ARID4B: variants seen among roughly 807,000 people sequenced by gnomAD.
ARID4B encodes the protein AT-rich interaction domain 4B.
A neutral mutation model predicts 147.5 loss-of-function variants in ARID4B; 26 were observed. That is an observed-to-expected ratio of 0.18 (90% CI 0.13 to 0.24). The LOEUF (loss-of-function observed/expected upper bound fraction) is 0.24, where lower values mean the gene tolerates loss of function less well. ARID4B is among the 10% of genes least tolerant of loss of function. ARID4B has a pLI of 1.00. For missense variants in ARID4B, 1,179 were observed against 1,511.5 expected (o/e 0.78, Z 3.65); for synonymous variants, 512 against 507.9 (o/e 1.01, Z -0.11).
In ARID4B at chr1:235,300,395, C is replaced by T. The variant is rs546829512; in HGVS notation, c.6+26519G>A. Among the ~76,000 whole-genome samples, 62 of 147,936 alleles carry T rather than the reference C, an allele frequency of 4.2e-4. No individual in the cohort carries two copies. In the South Asian group the frequency reaches 0.01, roughly 24 times the overall value. On this transcript the variant is annotated intron_variant, in intron 2 of 23. Transcript: ENST00000264183. ...TCATGCCACTGCACTCCAGCCTGGG[C>T]GACAGAATGAGACTCCGTCTCATAA...
intron 19 of ARID4B, among the ~76,000 whole-genome samples, chr1:235,186,209 C>T (rs1230484283): frequency 6.6e-6 from 1 of 152,026 alleles, no homozygotes; most frequent in East Asian, 1.9e-4. Flanking sequence ...CCTCGTGATC[C>T]GCCCACCTCA....
intron 2 of ARID4B, among the ~76,000 whole-genome samples, chr1:235,275,143 A>G (rs939615519): frequency 1.3e-5 from 2 of 152,188 alleles, no homozygotes; most frequent in African/African-American, 4.8e-5. Flanking sequence ...TTTTTACGAC[A>G]AAGAAGCCCA....
intron 5 of ARID4B, among the ~76,000 whole-genome samples, chr1:235,255,251 A>C (rs1669887116): frequency 9.7e-6 from 1 of 102,732 alleles, no homozygotes; most frequent in Admixed American, 1.1e-4. Context: ...AGATAGATAG[A>C]TAGATAGATA....
intron 19 of ARID4B, among the ~76,000 whole-genome samples, chr1:235,193,613 A>C (rs1293590273): frequency 1.3e-5 from 2 of 152,214 alleles, no homozygotes; most frequent in African/African-American, 4.8e-5. Flanking sequence ...GTGCCCTTGG[A>C]TCTACTAGTA....
intron 2 of ARID4B, among the ~76,000 whole-genome samples, chr1:235,320,843 C>T (rs1192446403): frequency 6.6e-6 from 1 of 152,214 alleles, no homozygotes; most frequent in Non-Finnish European, 1.5e-5. Flanking sequence ...ATGGCTCACT[C>T]TATCACTTGT....
chr1:235,223,506 T>A (rs902146306), intron 12 of ARID4B, among the ~76,000 whole-genome samples: 3 of 149,958 alleles, frequency 2.0e-5, no homozygotes, highest in Non-Finnish European at 3.0e-5. Flanking sequence ...TAAAATTTTT[T>A]AAATTTTAAA....
chr1:235,310,596 A>G (rs916950228), intron 2 of ARID4B, among the ~76,000 whole-genome samples: 7 of 152,236 alleles, frequency 4.6e-5, no homozygotes, highest in African/African-American at 1.7e-4. Flanking sequence ...AGAATTCCTT[A>G]TAAACTATAT....
intron 2 of ARID4B, among the ~76,000 whole-genome samples, chr1:235,269,267 T>G (rs1221158162): frequency 4.6e-5 from 7 of 152,334 alleles, no homozygotes; most frequent in African/African-American, 1.7e-4. Context: ...GAATCAGCGT[T>G]TGGCAACCAT....
rs1328383091 is a variant in ARID4B, at chr1:235,294,992, ATATT to A, written c.6+31918_6+31921del. On this transcript the variant is annotated intron_variant, in intron 2 of 23. Transcript: ENST00000264183. Reference sequence around the variant, plus strand: ...ATTATTTCAAGTATCTTAAATATTAATATTTATTTAAAATATTATTTTTTATTAA... The same window carrying A: ...ATTATTTCAAGTATCTTAAATATTAATATTTAAAATATTATTTTTTATTAA... Among the ~76,000 whole-genome samples the A allele has an allele frequency of 2.6e-5, 4 of 151,254 alleles. No individual in the cohort carries two copies. The South Asian group carries it at 6.2e-4, about 24-fold the overall frequency.
intron 2 of ARID4B, among the ~76,000 whole-genome samples, chr1:235,278,183 A>G (rs1010198882): frequency 3.3e-5 from 5 of 152,202 alleles, no homozygotes; most frequent in African/African-American, 9.7e-5. Flanking sequence ...TCAATAGAAT[A>G]GTTTATATTA....
In ARID4B at chr1:235,171,977, T is replaced by C. The variant is rs142422172; in HGVS notation, c.3811+641A>G. Reference sequence around the variant, plus strand: ...TTTTAATTTATCTCACTTCCTCATGTCATTCAGGTATCAACAAAAATATAC... The same window carrying C: ...TTTTAATTTATCTCACTTCCTCATGCCATTCAGGTATCAACAAAAATATAC... On this transcript the variant is annotated intron_variant, in intron 23 of 23. Coordinates refer to ENST00000264183, the MANE Select transcript of ARID4B (RefSeq NM_016374.6). Among the ~76,000 whole-genome samples, 399 of 152,228 alleles carry C rather than the reference T, an allele frequency of 2.6e-3. 2 individuals are homozygous for C. The highest frequency in any genetic ancestry group is 0.024 in the Middle Eastern group (7 of 294).
chr1:235,181,831 G>T lies in ARID4B; in HGVS notation c.3088C>A (p.Pro1030Thr). 1 of 1,614,152 alleles carries T rather than the reference G, an allele frequency of 6.2e-7. No homozygotes were observed. The highest frequency in any genetic ancestry group is 1.1e-5 in the South Asian group (1 of 91,086). The change falls in exon 20 of 24, where the codon CCT becomes ACT. Residue 1030 changes from proline (P) to threonine (T), a missense_variant. Transcript: ENST00000264183. Reference protein sequence around the residue: ...LNTPPTTPESPSSVTVTEGSR... With the variant: ...LNTPPTTPESTSSVTVTEGSR... ...CCTTCTGTTACAGTGACTGATGAAG[G>T]CGATTCAGGTGTAGTAGGAGGGGTA...
At chr1:235,310,790 C>T (rs1436628711) in intron 2 of ARID4B, among the ~76,000 whole-genome samples, 1 of 152,172 alleles carries the variant, frequency 6.6e-6, no homozygotes, top group African/African-American at 2.4e-5. Flanking sequence ...CCAGCCTCAA[C>T]TTCCTGAGTA....
At chr1:235,246,315 A>C in intron 7 of ARID4B, 105 bp downstream of exon 7, 1 of 857,792 alleles carries the variant, frequency 1.2e-6, no homozygotes, top group Non-Finnish European at 1.9e-6. Context: ...AATTACTATT[A>C]GATCTGGTTA....
intron 22 of ARID4B, among the ~76,000 whole-genome samples, chr1:235,174,830 G>A (rs539577277): frequency 5.9e-5 from 9 of 151,828 alleles, no homozygotes; most frequent in African/African-American, 2.2e-4. Flanking sequence ...AAAAGGCCAG[G>A]CGCAGTGGCT....
intron 17 of ARID4B, among the ~76,000 whole-genome samples, chr1:235,206,557 A>C (rs1291754074): frequency 6.6e-6 from 1 of 152,202 alleles, no homozygotes; most frequent in African/African-American, 2.4e-5. Flanking sequence ...CAGAAAAGAT[A>C]ATTGAGGAGT....
intron 14 of ARID4B, among the ~76,000 whole-genome samples, chr1:235,221,191 C>A (rs957319388): frequency 6.6e-6 from 1 of 152,344 alleles, no homozygotes; most frequent in Non-Finnish European, 1.5e-5. Flanking sequence ...AGCCACCGTG[C>A]CTGGCCAAGC....
chr1:235,266,783 T>G (rs1670636897), intron 2 of ARID4B, among the ~76,000 whole-genome samples: 1 of 152,192 alleles, frequency 6.6e-6, no homozygotes, highest in East Asian at 1.9e-4. Flanking sequence ...AGACAATAGT[T>G]AAATCAAATC....
intron 18 of ARID4B, 29 bp downstream of exon 18, chr1:235,196,001 TA>T: frequency 7.4e-7 from 1 of 1,353,658 alleles, no homozygotes; most frequent in South Asian, 1.2e-5. Context: ...TTTTAAGAGC[TA>T]ATAGTGTGTA....
Sources: allele counts gnomAD v4.1 joint callset (sites outside exome capture counted in the v4.1 genomes callset), GRCh38; gene constraint gnomAD v4.1.1; transcripts MANE v1.5; gene names NCBI Gene and HGNC (gene_info 2026-07-23, HGNC 2026-07-21).